Variants in ATP13A3 observed in about 807,000 individuals in gnomAD.
The protein encoded by ATP13A3 is polyamine-transporting ATPase 13A3.
A neutral mutation model predicts 158.1 loss-of-function variants in ATP13A3; 59 were observed. The ratio of observed to expected loss-of-function variants is 0.37; its 90% confidence interval spans 0.30 to 0.46. The LOEUF (loss-of-function observed/expected upper bound fraction) is 0.46, where lower values mean the gene tolerates loss of function less well. Ranked by LOEUF, ATP13A3 falls within the 20% of genes least tolerant of loss-of-function variation. The pLI is 1.00. For synonymous variants in ATP13A3, 491 were observed against 504.3 expected (o/e 0.97, Z 0.35); for missense variants, 1,166 against 1,525.2 (o/e 0.76, Z 3.92).
At chr3:194,444,832 C>CAA (rs202196764) in intron 14 of ATP13A3, 46 bp from the exon 15 acceptor site, 17 of 1,396,890 alleles carry the variant, frequency 1.2e-5, no homozygotes, top group African/African-American at 4.4e-5. Context: ...GATGATGCCT[C>CAA]AAAAAAAAAC....
rs755276728 is a variant in ATP13A3, at chr3:194,437,536, A to T, written c.1845+20T>A. On this transcript the variant is annotated intron_variant, in intron 18 of 33. Transcript: ENST00000645319. Reference sequence around the variant, plus strand: ...ATCAAAACAAATATACTTAGTAAGAAGTAAACATTCTTCACTTACTGGAAG... The same window carrying T: ...ATCAAAACAAATATACTTAGTAAGATGTAAACATTCTTCACTTACTGGAAG... The T allele has an allele frequency of 6.2e-7, 1 of 1,611,514 alleles. No individual in the cohort carries two copies. Among genetic ancestry groups the T allele is most frequent in the East Asian group, 2.2e-5 (1 of 44,746 alleles).
At chr3:194,470,492 G>A (rs77424920) in intron 2 of ATP13A3, among the ~76,000 whole-genome samples, 2,283 of 152,104 alleles carry the variant, frequency 0.015, 27 homozygotes, top group Middle Eastern at 0.038. Context: ...AAATCCTACA[G>A]AGTTTTGTCT....
At chr3:194,442,379 T>C (rs1318357018) in intron 15 of ATP13A3, among the ~76,000 whole-genome samples, 1 of 152,118 alleles carries the variant, frequency 6.6e-6, no homozygotes, top group Non-Finnish European at 1.5e-5. Context: ...AGGAGGATCA[T>C]TTGAGGCCAG....
At chr3:194,408,091 C>T (rs1454194776) in intron 33 of ATP13A3, among the ~76,000 whole-genome samples, 2 of 150,828 alleles carry the variant, frequency 1.3e-5, no homozygotes, top group African/African-American at 4.9e-5. Context: ...GTGATCTAAG[C>T]TCACTGCAAC....
intron 2 of ATP13A3, among the ~76,000 whole-genome samples, chr3:194,464,353 C>T (rs1719864640): frequency 6.6e-6 from 1 of 152,156 alleles, no homozygotes; most frequent in South Asian, 2.1e-4. Context: ...TTCCTCTAAA[C>T]AAGCCGTATG....
chr3:194,407,899 C>T (rs756683821), intron 33 of ATP13A3, among the ~76,000 whole-genome samples: 3 of 152,066 alleles, frequency 2.0e-5, no homozygotes, highest in Admixed American at 6.5e-5. Context: ...ACACAACAAA[C>T]GTAATATTTC....
intron 2 of ATP13A3, among the ~76,000 whole-genome samples, chr3:194,483,483 T>C (rs929823005): frequency 6.7e-6 from 1 of 149,606 alleles, no homozygotes; most frequent in African/African-American, 2.5e-5. Flanking sequence ...CCAGCTACTC[T>C]GGAAGCTGAG....
chr3:194,439,518 A>C (rs1262495814), intron 16 of ATP13A3, among the ~76,000 whole-genome samples: 1 of 152,250 alleles, frequency 6.6e-6, no homozygotes, highest in Non-Finnish European at 1.5e-5. Context: ...AAACATTCGA[A>C]GAAAAACGTA....
Position 194,425,533 on chromosome 3 carries a change from G to T in ATP13A3, c.3126-4C>A. The T allele has an allele frequency of 6.3e-7, 1 of 1,593,482 alleles. No individual in the cohort carries two copies. Among genetic ancestry groups the T allele is most frequent in the Non-Finnish European group, 8.5e-7 (1 of 1,172,654 alleles). On this transcript the variant is annotated splice_polypyrimidine_tract_variant and splice_region_variant and intron_variant, in intron 29 of 33. Transcript: ENST00000645319. ...GCTTCCTGTTGTATTACAAGCACTA[G>T]AACACATGCAAAAAATGTCTGCATT... is the stretch of plus-strand genomic sequence containing the variant.
chr3:194,429,875 G>A (rs780386804), intron 26 of ATP13A3, 101 bp from the exon 27 acceptor site: 14 of 1,140,428 alleles, frequency 1.2e-5, no homozygotes, highest in Non-Finnish European at 1.8e-5. Context: ...ACATTCAACG[G>A]CTACAACAAA....
intron 10 of ATP13A3, chr3:194,452,689 T>C (rs1247049516): frequency 2.0e-5 from 3 of 152,238 alleles, no homozygotes; most frequent in East Asian, 3.9e-4. Context: ...TTTAGAACCC[T>C]CTTCTCTCCT....
At chr3:194,409,800 TG>T (rs1202263185) in intron 33 of ATP13A3, among the ~76,000 whole-genome samples, 1 of 141,386 alleles carries the variant, frequency 7.1e-6, no homozygotes, top group African/African-American at 2.7e-5. Context: ...AAATGTCCCC[TG>T]GGGAAATCAC....
intron 30 of ATP13A3, chr3:194,420,282 G>T: frequency 6.1e-6 from 1 of 164,642 alleles, no homozygotes; most frequent in Non-Finnish European, 1.3e-5. Context: ...TCGCCCAAAT[G>T]GATAGCTACT....
intron 14 of ATP13A3, 105 bp from the exon 15 acceptor site, chr3:194,444,891 C>A: frequency 1.2e-6 from 1 of 805,858 alleles, no homozygotes; most frequent in Non-Finnish European, 2.0e-6. Flanking sequence ...AACTATGCTA[C>A]ATATAACATA....
At chr3:194,411,933 G>C (rs1715465504) in intron 33 of ATP13A3, among the ~76,000 whole-genome samples, 1 of 152,108 alleles carries the variant, frequency 6.6e-6, no homozygotes, top group South Asian at 2.1e-4. Context: ...TACACAAATA[G>C]AAGATCAGGA....
In ATP13A3 at chr3:194,436,982, A is replaced by C; in HGVS notation, c.2120+113T>G. On this transcript the variant is annotated intron_variant, in intron 20 of 33. Transcript: ENST00000645319. ...CAATCACCTAAAACAATATTATATTAGATATCTTTTCATACATTCAATAAA... is the reference window on the plus strand; with the variant it reads ...CAATCACCTAAAACAATATTATATTCGATATCTTTTCATACATTCAATAAA... The C allele has an allele frequency of 1.6e-6, 2 of 1,260,914 alleles. 1 individual carries two copies. The highest frequency in any genetic ancestry group is 2.9e-5 in the South Asian group (2 of 69,718). 78.1% of individuals were successfully genotyped at this position (1,260,914 alleles called of 1,614,324 possible). A position where few individuals can be genotyped will look rare whatever the true frequency, so the allele number is the denominator to read the frequency against.
intron 31 of ATP13A3, among the ~76,000 whole-genome samples, chr3:194,417,444 C>CACACA: frequency 6.9e-6 from 1 of 145,152 alleles, no homozygotes; most frequent in Non-Finnish European, 1.5e-5. Context: ...CACACACACA[C>CACACA]AAAAGGAGGA....
intron 15 of ATP13A3, among the ~76,000 whole-genome samples, chr3:194,443,888 T>C (rs1042195917): frequency 6.6e-6 from 1 of 151,982 alleles, no homozygotes; most frequent in South Asian, 2.1e-4. Flanking sequence ...ACAAATAAGA[T>C]AGACTTCCCA....
rs144838877 is a variant in ATP13A3, at chr3:194,459,151, C to G, written c.479+320G>C. ...AAACCAACAGGTAATGATTCAGATA[C>G]TCTAAGTTGAGACACAGGCTATGAG... On this transcript the variant is annotated intron_variant, in intron 6 of 33. Coordinates refer to ENST00000645319, the MANE Select transcript of ATP13A3 (RefSeq NM_001367549.1). 72 of 235,400 alleles carry G rather than the reference C, an allele frequency of 3.1e-4. 1 individual carries two copies. The highest frequency in any genetic ancestry group is 1.5e-3 in the African/African-American group (66 of 43,548). The allele number at this position is 235,400 out of a possible 1,614,324, so 14.6% of individuals were successfully genotyped here.
Sources: allele counts gnomAD v4.1 joint callset (sites outside exome capture counted in the v4.1 genomes callset), GRCh38; gene constraint gnomAD v4.1.1; transcripts MANE v1.5; gene names NCBI Gene and HGNC (gene_info 2026-07-23, HGNC 2026-07-21).